SMIM14: variants seen among roughly 807,000 people sequenced by gnomAD.
The protein encoded by SMIM14 is small integral membrane protein 14.
A neutral mutation model predicts 12.6 loss-of-function variants in SMIM14; 5 were observed. That is an observed-to-expected ratio of 0.40 (90% CI 0.21 to 0.83). The LOEUF (loss-of-function observed/expected upper bound fraction) is 0.83, where lower values mean the gene tolerates loss of function less well. SMIM14 is among the 40% of genes least tolerant of loss of function. SMIM14 has a pLI of 0.37. For missense variants in SMIM14, 86 were observed against 119.1 expected (o/e 0.72, Z 1.29); for synonymous variants, 30 against 40.1 (o/e 0.75, Z 0.95).
chr4:39,616,641 T>TAAAAAAAAAAAAAA (rs5857689), intron 1 of SMIM14, among the ~76,000 whole-genome samples: 2 of 137,260 alleles, frequency 1.5e-5, no homozygotes. Flanking sequence ...TCCTTACATT[T>TAAAAAAAAAAAAAA]AAAAAAAAAA....
At chr4:39,636,335 TACTTAA>T (rs1716090627) in intron 1 of SMIM14, among the ~76,000 whole-genome samples, 1 of 152,052 alleles carries the variant, frequency 6.6e-6, no homozygotes, top group Non-Finnish European at 1.5e-5. Flanking sequence ...TAGCAAAAAC[TACTTAA>T]ACTTTCATAT....
intron 1 of SMIM14, among the ~76,000 whole-genome samples, chr4:39,631,173 A>G (rs1486615870): frequency 6.6e-6 from 1 of 151,914 alleles, no homozygotes; most frequent in Non-Finnish European, 1.5e-5. Context: ...CCCTATTAAA[A>G]ATACAAAAAT....
intron 2 of SMIM14, among the ~76,000 whole-genome samples, chr4:39,587,078 G>A (rs1713817850): frequency 6.6e-6 from 1 of 151,970 alleles, no homozygotes; most frequent in Non-Finnish European, 1.5e-5. Context: ...GGGGATTAGG[G>A]AATTCAACAT....
chr4:39,605,660 T>C (rs974813516), intron 1 of SMIM14, among the ~76,000 whole-genome samples: 1 of 152,144 alleles, frequency 6.6e-6, no homozygotes. Context: ...CAAGATGGAG[T>C]ATTGGCAACC....
intron 2 of SMIM14, among the ~76,000 whole-genome samples, chr4:39,579,909 A>G (rs1397368445): frequency 6.6e-6 from 1 of 152,066 alleles, no homozygotes; most frequent in East Asian, 1.9e-4. Flanking sequence ...AGATCAAAGA[A>G]GATTCTAATG....
At position 39,558,537 on chromosome 4, in the gene SMIM14, G is replaced by A. The variant is rs572696554; in HGVS notation, c.125-1967C>T. On this transcript the variant is annotated intron_variant, in intron 3 of 4. Coordinates refer to ENST00000295958, the MANE Select transcript of SMIM14 (RefSeq NM_174921.3). This position sits in a 1 kb window ranked among gnomAD's most constrained non-coding sequence, Gnocchi z 4.3. ...TTCAGGCATATACACAGTGGGCTCC[G>A]TGGGAACTTGCATAGGGCGGAGTGG... Among the ~76,000 whole-genome samples, 18 of 152,294 alleles carry A rather than the reference G, an allele frequency of 1.2e-4. No individual in the cohort carries two copies. The highest frequency in any genetic ancestry group is 6.5e-5 in the Admixed American group (1 of 15,290).
At chr4:39,607,535 A>T (rs1714858492) in intron 1 of SMIM14, among the ~76,000 whole-genome samples, 1 of 152,224 alleles carries the variant, frequency 6.6e-6, no homozygotes, top group African/African-American at 2.4e-5. Flanking sequence ...CAAGAGGATC[A>T]CTTGAGCTCA....
chr4:39,608,718 T>C (rs926508040), intron 1 of SMIM14, among the ~76,000 whole-genome samples: 3 of 152,242 alleles, frequency 2.0e-5, no homozygotes, highest in South Asian at 2.1e-4. Flanking sequence ...ATGATGGTGA[T>C]AATTGTACAA....
At chr4:39,625,050 CA>C (rs1463694131) in intron 1 of SMIM14, among the ~76,000 whole-genome samples, 23 of 138,774 alleles carry the variant, frequency 1.7e-4, no homozygotes, top group South Asian at 2.3e-4. Context: ...ACTAAAGATA[CA>C]AAAAAAAAAG....
intron 3 of SMIM14, among the ~76,000 whole-genome samples, chr4:39,563,154 G>C (rs966622384): frequency 6.6e-6 from 1 of 151,866 alleles, no homozygotes; most frequent in South Asian, 2.1e-4. Flanking sequence ...TCTGCCTCCC[G>C]GGTTCAAGTG....
At chr4:39,608,991 T>C (rs1714917173) in intron 1 of SMIM14, among the ~76,000 whole-genome samples, 1 of 152,166 alleles carries the variant, frequency 6.6e-6, no homozygotes, top group African/African-American at 2.4e-5. Context: ...TTATGTATTG[T>C]TTTGAGATGG....
chr4:39,632,659 T>C (rs1328474265), intron 1 of SMIM14, among the ~76,000 whole-genome samples: 6 of 151,296 alleles, frequency 4.0e-5, no homozygotes, highest in Admixed American at 2.6e-4. Context: ...CCAGGCGTGG[T>C]CTCAGCTACT....
intron 1 of SMIM14, among the ~76,000 whole-genome samples, chr4:39,633,323 A>G (rs1344865729): frequency 6.6e-6 from 1 of 152,150 alleles, no homozygotes. Context: ...TCTTTAATAT[A>G]GCTTCTATTT....
chr4:39,625,430 C>T (rs1282961465), intron 1 of SMIM14, among the ~76,000 whole-genome samples: 1 of 139,694 alleles, frequency 7.2e-6, no homozygotes, highest in Non-Finnish European at 1.5e-5. Flanking sequence ...CTCCCTGAAA[C>T]TCATCATTAC....
intron 3 of SMIM14, among the ~76,000 whole-genome samples, chr4:39,561,352 C>G (rs902808875): frequency 2.6e-5 from 4 of 152,142 alleles, no homozygotes; most frequent in African/African-American, 9.7e-5. Flanking sequence ...CCTGTAATCC[C>G]AGCACTTTGG....
chr4:39,555,303 G>A lies in SMIM14; in HGVS notation c.267+1125C>T, dbSNP rs866387354. Among the ~76,000 whole-genome samples the A allele has an allele frequency of 4.6e-5, 7 of 151,804 alleles. No homozygotes were observed. In the South Asian group the frequency reaches 6.2e-4, roughly 13 times the overall value. ...GCTGGAGTGTGGTGGTGTGATCTTG[G>A]CTCACTGCAACCTCTGCCTCCTGAG... On this transcript the variant is annotated intron_variant, in intron 4 of 4. Transcript: ENST00000295958.
chr4:39,632,265 C>T (rs1019122136), intron 1 of SMIM14, among the ~76,000 whole-genome samples: 21 of 151,102 alleles, frequency 1.4e-4, no homozygotes, highest in Admixed American at 1.1e-3. Flanking sequence ...CCAAGGCAGG[C>T]GGTCAAGAGA....
chr4:39,609,792 G>C (rs1714956527), intron 1 of SMIM14, among the ~76,000 whole-genome samples: 1 of 152,142 alleles, frequency 6.6e-6, no homozygotes, highest in South Asian at 2.1e-4. Context: ...ACTGAGAAAA[G>C]GGAAGCCACA....
chr4:39,576,660 G>GTATATATATATATA (rs1298743756), intron 2 of SMIM14, among the ~76,000 whole-genome samples: 10 of 72,370 alleles, frequency 1.4e-4, no homozygotes, highest in South Asian at 6.4e-4. Context: ...GTGTGTATGT[G>GTATATATATATATA]TATATATATA....
Sources: gnomAD v4.1 joint callset for allele counts (sites outside exome capture counted in the v4.1 genomes callset) on GRCh38, gnomAD v4.1.1 for gene constraint, Gnocchi (gnomAD v3.1) non-coding constraint, MANE v1.5 for transcripts, NCBI Gene and HGNC (gene_info 2026-07-23, HGNC 2026-07-21) for gene names.